The following ROBO1 variants were observed in gnomAD, a reference collection of about 807,000 sequenced individuals.
The protein encoded by ROBO1 is roundabout homolog 1.
In ROBO1, 149 loss-of-function variants were observed where a neutral mutation model predicts 195.9. The ratio of observed to expected loss-of-function variants is 0.76; its 90% CI spans 0.67 to 0.87. The LOEUF (loss-of-function observed/expected upper bound fraction) is 0.87, where lower values mean the gene tolerates loss of function less well. Ranked by LOEUF, ROBO1 falls within the 40% of genes least tolerant of loss-of-function variation. The probability of loss-of-function intolerance (pLI) is 0.00; values close to 1 mark genes in which losing one functional copy is unlikely to be tolerated. For synonymous variants in ROBO1, 816 were observed against 733.2 expected (o/e 1.11, Z -1.82); for missense variants, 1,933 against 2,068.3 (o/e 0.93, Z 1.27).
At chr3:78,787,575 A>G (rs1331459058) in intron 4 of ROBO1, among the ~76,000 whole-genome samples, 1 of 152,214 alleles carries the variant, frequency 6.6e-6, no homozygotes, top group Non-Finnish European at 1.5e-5. Flanking sequence ...CAGTAAAACA[A>G]GCTATCACCT....
At chr3:78,842,784 A>G (rs2033362567) in intron 4 of ROBO1, among the ~76,000 whole-genome samples, 1 of 151,848 alleles carries the variant, frequency 6.6e-6, no homozygotes. Context: ...TACAACTACT[A>G]GGAAGAAAAC....
chr3:79,155,724 G>A (rs1463077194), intron 2 of ROBO1, among the ~76,000 whole-genome samples: 2 of 151,736 alleles, frequency 1.3e-5, no homozygotes, highest in Non-Finnish European at 2.9e-5. Context: ...AAAGGATTCA[G>A]CAATTAGAAA....
chr3:79,090,346 G>A (rs2079455514), intron 3 of ROBO1, among the ~76,000 whole-genome samples: 1 of 151,950 alleles, frequency 6.6e-6, no homozygotes, highest in African/African-American at 2.4e-5. Flanking sequence ...AGACCTTCAT[G>A]TCTTAAATAG....
intron 2 of ROBO1, among the ~76,000 whole-genome samples, chr3:79,324,235 A>T (rs2034110947): frequency 6.6e-6 from 1 of 152,184 alleles, no homozygotes; most frequent in Non-Finnish European, 1.5e-5. Context: ...ATTAATGTGG[A>T]GAGTTTGGTA....
chr3:79,201,512 G>A (rs1005812240), intron 2 of ROBO1, among the ~76,000 whole-genome samples: 1 of 151,952 alleles, frequency 6.6e-6, no homozygotes, highest in African/African-American at 2.4e-5. Flanking sequence ...TGGGGAAACT[G>A]AGGCAAACAA....
At chr3:79,601,430 A>G (rs6799488) in intron 1 of ROBO1, among the ~76,000 whole-genome samples, 39,451 of 151,834 alleles carry the variant, frequency 0.26, 7,187 homozygotes, top group African/African-American at 0.52. Flanking sequence ...AAAGCTCTAT[A>G]AGCACGGACT....
intron 2 of ROBO1, among the ~76,000 whole-genome samples, chr3:79,530,657 A>T (rs990307480): frequency 1.3e-5 from 2 of 152,008 alleles, no homozygotes; most frequent in Admixed American, 1.3e-4. Flanking sequence ...CTCAGTGGCT[A>T]TCGCTTCCTA....
At chr3:78,774,292 T>A (rs187539949) in intron 4 of ROBO1, among the ~76,000 whole-genome samples, 2 of 152,294 alleles carry the variant, frequency 1.3e-5, no homozygotes, top group East Asian at 3.9e-4. Context: ...AAATGTTTTA[T>A]TCTTTAAAGA....
At chr3:78,748,745 C>T (rs147585679) in intron 4 of ROBO1, among the ~76,000 whole-genome samples, 1 of 152,048 alleles carries the variant, frequency 6.6e-6, no homozygotes, top group Non-Finnish European at 1.5e-5. Context: ...AAAAAAATCC[C>T]CATTTTCTAA....
At chr3:79,154,268 T>A (rs1474671843) in intron 2 of ROBO1, among the ~76,000 whole-genome samples, 1 of 151,784 alleles carries the variant, frequency 6.6e-6, no homozygotes, top group East Asian at 1.9e-4. Context: ...TGGTTAATGC[T>A]CATTCCATCA....
At chr3:79,291,356 C>T (rs2032235408) in intron 2 of ROBO1, among the ~76,000 whole-genome samples, 1 of 151,802 alleles carries the variant, frequency 6.6e-6, no homozygotes, top group African/African-American at 2.4e-5. Context: ...CCTCCCTCTC[C>T]AACCTTTTAG....
intron 2 of ROBO1, among the ~76,000 whole-genome samples, chr3:79,327,777 CTTA>C (rs2034272619): frequency 6.6e-6 from 1 of 152,088 alleles, no homozygotes; most frequent in Admixed American, 6.6e-5. Context: ...TAACTAAGGG[CTTA>C]TTCTTTGGGA....
intron 29 of ROBO1, among the ~76,000 whole-genome samples, chr3:78,606,389 C>T (rs1401883087): frequency 6.6e-6 from 1 of 152,122 alleles, no homozygotes; most frequent in Non-Finnish European, 1.5e-5. Context: ...ATTCAATTCT[C>T]CAGCCAAAGT....
Position 78,723,097 on chromosome 3 carries a change from C to G in ROBO1, c.658-5214G>C, listed in dbSNP as rs74837369. Among the ~76,000 whole-genome samples, 34 of 152,204 alleles carry G rather than the reference C, an allele frequency of 2.2e-4. No homozygotes were observed. In the East Asian group the frequency reaches 6.4e-3, roughly 29 times the overall value. ...TAACATTTTGGTTAAGGATGAACCTCATATATGATGACGATCCCATAAGAT... is the reference window on the plus strand; with the variant it reads ...TAACATTTTGGTTAAGGATGAACCTGATATATGATGACGATCCCATAAGAT... On this transcript the variant is annotated intron_variant, in intron 5 of 30. Transcript: ENST00000464233.
intron 2 of ROBO1, among the ~76,000 whole-genome samples, chr3:79,421,313 A>C (rs927260803): frequency 2.0e-5 from 3 of 151,642 alleles, no homozygotes; most frequent in Non-Finnish European, 4.4e-5. Context: ...TGTATAATAA[A>C]CCCCCATGAC....
chr3:78,829,706 T>G (rs1178757942), intron 4 of ROBO1, among the ~76,000 whole-genome samples: 1 of 152,188 alleles, frequency 6.6e-6, no homozygotes, highest in African/African-American at 2.4e-5. Context: ...AAGAAAACCA[T>G]AATGCTCCCT....
At chr3:78,672,668 GAA>G (rs1446132999) in intron 10 of ROBO1, among the ~76,000 whole-genome samples, 2 of 150,960 alleles carry the variant, frequency 1.3e-5, no homozygotes, top group Non-Finnish European at 2.9e-5. Context: ...GTAGAGAAAT[GAA>G]AGTTTTTGAT....
chr3:79,455,540 C>A (rs754565826), intron 2 of ROBO1, among the ~76,000 whole-genome samples: 6 of 152,042 alleles, frequency 3.9e-5, no homozygotes, highest in Non-Finnish European at 7.4e-5. Flanking sequence ...TTTAAATACT[C>A]ACCTATAATT....
intron 2 of ROBO1, among the ~76,000 whole-genome samples, chr3:79,544,765 G>A (rs1194920896): frequency 6.6e-6 from 1 of 151,942 alleles, no homozygotes; most frequent in Non-Finnish European, 1.5e-5. Flanking sequence ...TTTATCAGAA[G>A]ACATGCATCT....
Sources: allele counts gnomAD v4.1 joint callset (sites outside exome capture counted in the v4.1 genomes callset), GRCh38; gene constraint gnomAD v4.1.1; transcripts MANE v1.5; gene names NCBI Gene and HGNC (gene_info 2026-07-23, HGNC 2026-07-21).